SPHKAP: variants seen among roughly 807,000 people sequenced by gnomAD.
SPHKAP encodes A-kinase anchor protein SPHKAP.
SPHKAP carries 67 observed loss-of-function variants against 137.5 expected under a neutral mutation model. The ratio of observed to expected loss-of-function variants is 0.49; its 90% confidence interval spans 0.40 to 0.60. The LOEUF (loss-of-function observed/expected upper bound fraction) is 0.60, where lower values mean the gene tolerates loss of function less well. Ranked by LOEUF, SPHKAP falls within the 20% of genes least tolerant of loss-of-function variation. The probability of loss-of-function intolerance (pLI) is 0.00; values close to 1 mark genes in which losing one functional copy is unlikely to be tolerated. For missense variants in SPHKAP, 2,097 were observed against 2,069.3 expected, an observed-to-expected ratio of 1.01 and a Z score of -0.26; for synonymous variants, 813 against 785.3, an observed-to-expected ratio of 1.04 and a Z score of -0.59.
chr2:227,987,037 T>A (rs578145962), intron 11 of SPHKAP, among the ~76,000 whole-genome samples: 1 of 152,358 alleles, frequency 6.6e-6, no homozygotes, highest in South Asian at 2.1e-4. Context: ...CCCTGGGATT[T>A]AGGATACTTT....
intron 2 of SPHKAP, among the ~76,000 whole-genome samples, chr2:228,109,760 G>GT (rs961408532): frequency 2.0e-5 from 3 of 152,034 alleles, no homozygotes; most frequent in African/African-American, 7.2e-5. Flanking sequence ...GAGGTCAGGA[G>GT]TTTGAGACCA....
chr2:228,070,037 C>T (rs1008253795), intron 3 of SPHKAP, among the ~76,000 whole-genome samples: 3 of 152,170 alleles, frequency 2.0e-5, no homozygotes, highest in African/African-American at 7.2e-5. Flanking sequence ...CTGTCCATTT[C>T]AACTTCTAAA....
chr2:228,083,186 GTA>G (rs751170416), intron 3 of SPHKAP, among the ~76,000 whole-genome samples: 9 of 152,198 alleles, frequency 5.9e-5, no homozygotes, highest in Non-Finnish European at 1.2e-4. Flanking sequence ...AATAGATGGG[GTA>G]TATTACCTCC....
chr2:228,083,462 T>G (rs1448139395), intron 3 of SPHKAP, among the ~76,000 whole-genome samples: 1 of 152,204 alleles, frequency 6.6e-6, no homozygotes, highest in East Asian at 1.9e-4. Context: ...TTTTCTATGT[T>G]TTTTGGCCGC....
chr2:228,168,911 A>C (rs541859636), intron 1 of SPHKAP, among the ~76,000 whole-genome samples: 1 of 152,306 alleles, frequency 6.6e-6, no homozygotes, highest in South Asian at 2.1e-4. Context: ...TATACGAATG[A>C]TAAGAAAAAG....
intron 3 of SPHKAP, among the ~76,000 whole-genome samples, chr2:228,072,358 CT>C (rs61521562): frequency 0.019 from 2,833 of 151,610 alleles, 89 homozygotes; most frequent in African/African-American, 0.062. Context: ...AGCATCATAA[CT>C]TTTTTTTTAA....
chr2:228,089,703 C>T (rs1385441159), intron 3 of SPHKAP, among the ~76,000 whole-genome samples: 2 of 152,226 alleles, frequency 1.3e-5, no homozygotes, highest in Non-Finnish European at 2.9e-5. Context: ...CCTTAGAATA[C>T]TGCTCCCTAC....
At position 227,981,374 on chromosome 2, in the gene SPHKAP, T is replaced by C. The variant is rs1692987199; in HGVS notation, c.*343A>G. 2 of 168,112 alleles carry C rather than the reference T, an allele frequency of 1.2e-5. No homozygotes were observed. The highest frequency in any genetic ancestry group is 4.7e-5 in the African/African-American group (2 of 42,222). 10.4% of individuals were successfully genotyped at this position (168,112 alleles called of 1,614,324 possible). A position where few individuals can be genotyped will look rare whatever the true frequency, so the allele number is the denominator to read the frequency against. ...AGTTGATTCATCTAATTAGAGACAT[T>C]ACAAATCATTTTATATGATTAAACT... is the stretch of plus-strand genomic sequence containing the variant. On this transcript the variant is annotated 3_prime_UTR_variant, in exon 12 of 12. Transcript: ENST00000392056.
At chr2:228,144,535 T>C (rs1574891755) in intron 1 of SPHKAP, among the ~76,000 whole-genome samples, 4 of 152,160 alleles carry the variant, frequency 2.6e-5, no homozygotes. Context: ...GTGATATTTT[T>C]TCTTGCCCCT....
chr2:228,178,832 C>A (rs1184349616), intron 1 of SPHKAP, among the ~76,000 whole-genome samples: 2 of 151,718 alleles, frequency 1.3e-5, no homozygotes, highest in Admixed American at 6.6e-5. Flanking sequence ...ACATAATTTA[C>A]TGCACCTTTA....
At position 228,027,694 on chromosome 2, in the gene SPHKAP, G is replaced by A. The variant is rs931777772; in HGVS notation, c.247-151C>T. On this transcript the variant is annotated intron_variant, in intron 3 of 11. Transcript: ENST00000392056. Reference sequence around the variant, plus strand: ...TAGAAATAGTCATTTCAGGGCGGGCGCAGTGGCTTATGGTTGTAATCCCAG... The same window carrying A: ...TAGAAATAGTCATTTCAGGGCGGGCACAGTGGCTTATGGTTGTAATCCCAG... 7.1e-5 allele frequency: 56 copies of A among 789,966 alleles called. 2 individuals carry two copies. Among genetic ancestry groups the A allele is most frequent in the South Asian group, 2.1e-4 (12 of 58,502 alleles). The allele number at this position is 789,966 out of a possible 1,614,324, so 48.9% of individuals were successfully genotyped here. A position where few individuals can be genotyped will look rare whatever the true frequency, so the allele number is the denominator to read the frequency against.
chr2:228,012,440 C>T (rs745523651), intron 7 of SPHKAP, among the ~76,000 whole-genome samples: 9 of 152,216 alleles, frequency 5.9e-5, no homozygotes, highest in South Asian at 4.1e-4. Flanking sequence ...GTTCTTCTCA[C>T]GGCTGGCACC....
In SPHKAP at chr2:227,991,097, T is replaced by A. The variant is rs1350160771; in HGVS notation, c.4862A>T (p.Asp1621Val). 2 of 1,614,108 alleles carry A rather than the reference T, an allele frequency of 1.2e-6. No individual in the cohort carries two copies. The highest frequency in any genetic ancestry group is 2.2e-5 in the East Asian group (1 of 44,850). The change falls in exon 11 of 12, where the codon GAT becomes GTT. Residue 1621 changes from aspartate to valine, a missense_variant. Physicochemically the swap from Asp to Val is radical, Grantham distance 152 (BLOSUM62 -3). Transcript: ENST00000392056. ...INFDLEPECP[D>V]AELRATLQWI... ...CTGCAGAGTGGCTCGGAGCTCGGCA[T>A]CTGGACACTCTGGCTCCAGGTCAAA...
intron 1 of SPHKAP, chr2:228,169,707 C>T (rs868021479): frequency 1.3e-5 from 2 of 151,972 alleles, no homozygotes; most frequent in Admixed American, 6.6e-5. Flanking sequence ...GGAGTAATTT[C>T]GATTTTCAAG....
intron 5 of SPHKAP, among the ~76,000 whole-genome samples, chr2:228,023,845 T>C (rs1360982306): frequency 6.6e-6 from 1 of 152,166 alleles, no homozygotes; most frequent in African/African-American, 2.4e-5. Context: ...CCAATCTGAA[T>C]AATGCATTCC....
chr2:228,056,613 CCAGGAAGTATGA>C (rs1696454371), intron 3 of SPHKAP, among the ~76,000 whole-genome samples: 1 of 151,696 alleles, frequency 6.6e-6, no homozygotes, highest in Non-Finnish European at 1.5e-5. Flanking sequence ...TCTTTGTTCT[CCAGGAAGTATGA>C]CATAATGTAT....
intron 3 of SPHKAP, among the ~76,000 whole-genome samples, chr2:228,070,972 A>C (rs1314165419): frequency 6.6e-6 from 1 of 152,140 alleles, no homozygotes; most frequent in African/African-American, 2.4e-5. Context: ...GTTCAGTATC[A>C]AAAGAGTTGA....
intron 1 of SPHKAP, among the ~76,000 whole-genome samples, chr2:228,149,072 G>A (rs982051433): frequency 4.6e-5 from 7 of 152,126 alleles, no homozygotes; most frequent in Non-Finnish European, 1.0e-4. Context: ...AAAACTTTCA[G>A]GACCTTCCAA....
intron 1 of SPHKAP, among the ~76,000 whole-genome samples, chr2:228,151,704 T>C (rs1435567760): frequency 6.6e-6 from 1 of 152,186 alleles, no homozygotes; most frequent in Non-Finnish European, 1.5e-5. Flanking sequence ...TGGGATCTCA[T>C]TCTGTTGCAA....
Sources: allele counts gnomAD v4.1 joint callset (sites outside exome capture counted in the v4.1 genomes callset), GRCh38; gene constraint gnomAD v4.1.1; transcripts MANE v1.5; gene names NCBI Gene and HGNC (gene_info 2026-07-23, HGNC 2026-07-21).